SLC39A5: variants seen among roughly 807,000 people sequenced by gnomAD.
SLC39A5 encodes solute carrier family 39 member 5.
Under a neutral mutation model 46.9 loss-of-function variants are expected in SLC39A5, and 42 were observed. That is an observed-to-expected ratio of 0.90 (90% confidence interval 0.70 to 1.16). The LOEUF (loss-of-function observed/expected upper bound fraction) is 1.16, where lower values mean the gene tolerates loss of function less well. Among genes scored for constraint, SLC39A5 ranks in the 50% most tolerant of loss-of-function variants. The probability of loss-of-function intolerance (pLI) is 0.00; values close to 1 mark genes in which losing one functional copy is unlikely to be tolerated. For missense variants in SLC39A5, 677 were observed against 686.8 expected (o/e 0.99, Z 0.16); for synonymous variants, 311 against 323.1 (o/e 0.96, Z 0.40).
intron 8 of SLC39A5, 66 bp from the exon 9 acceptor site, chr12:56,236,330 C>A: frequency 6.9e-7 from 1 of 1,454,548 alleles, no homozygotes; most frequent in Non-Finnish European, 9.7e-7. Flanking sequence ...CAGCTTGTGG[C>A]CTGGCTTCCC....
Position 56,235,192 on chromosome 12 carries a change from A to G in SLC39A5, c.670A>G (p.Ser224Gly). The G allele has an allele frequency of 6.4e-7, 1 of 1,560,262 alleles. No homozygotes were observed. Among genetic ancestry groups the G allele is most frequent in the East Asian group, 2.3e-5 (1 of 44,392 alleles). ...LQSALAVLLL[S>G]LPSPLSLLLL... ...GAGTGCCCTGGCAGTCCTGTTGCTC[A>G]GCCTCCCTTCTCCCCTATCCCTGCT... Residue 224 changes from serine (S) to glycine (G), a missense_variant, in exon 7 of 13, where the codon AGC (serine) becomes GGC (glycine). Physicochemically the swap from Ser to Gly is moderately conservative, Grantham distance 56 (BLOSUM62 0). Transcript: ENST00000454355.
chr12:56,232,316 C>A (rs888435855), intron 4 of SLC39A5, among the ~76,000 whole-genome samples: 1 of 151,814 alleles, frequency 6.6e-6, no homozygotes, highest in Non-Finnish European at 1.5e-5. Flanking sequence ...CAGGCACACA[C>A]CACCACGCCG....
chr12:56,235,626 G>C lies in SLC39A5; in HGVS notation c.871G>C (p.Val291Leu). The change falls in exon 8 of 13, where the codon GTG becomes CTG. Residue 291 changes from valine (V) to leucine (L), a missense_variant. Physicochemically the swap from Val to Leu is conservative, Grantham distance 32. Coordinates refer to ENST00000454355, the MANE Select transcript of SLC39A5 (RefSeq NM_173596.3). Reference sequence around the variant, plus strand: ...GAAGGACCTGGGCCCGGGGCTGTCAGTGCTCGGAGGCCTCTTCCTGCTCTT... The same window carrying C: ...GAAGGACCTGGGCCCGGGGCTGTCACTGCTCGGAGGCCTCTTCCTGCTCTT... ...PEKDLGPGLS[V>L]LGGLFLLFVL... 6.2e-7 allele frequency: 1 copy of C among 1,614,166 alleles called. No homozygotes were observed. The highest frequency in any genetic ancestry group is 1.3e-5 in the African/African-American group (1 of 75,074).
At position 56,237,212 on chromosome 12, in the gene SLC39A5, G is replaced by A. The variant is rs766313655; in HGVS notation, c.1351G>A (p.Val451Met). The A allele has an allele frequency of 2.5e-5, 40 of 1,613,692 alleles. No individual in the cohort carries two copies. The highest frequency in any genetic ancestry group is 1.6e-4 in the Middle Eastern group (1 of 6,084). The change falls in exon 12 of 13, where the codon GTG (valine) becomes ATG (methionine). Residue 451 changes from valine (V) to methionine (M), a missense_variant. Coordinates refer to ENST00000454355, the MANE Select transcript of SLC39A5 (RefSeq NM_173596.3). Reference protein sequence around the residue: ...SFRRLLLLSLVSGALGLGGAV... With the variant: ...SFRRLLLLSLMSGALGLGGAV... ...TCGGCGGCTGCTGCTGCTGAGCCTC[G>A]TGTCTGGAGCCCTGGGATTGGGGGG...
chr12:56,235,821 G>C (rs1468820165), intron 8 of SLC39A5, 121 bp downstream of exon 8: 7 of 1,326,122 alleles, frequency 5.3e-6, no homozygotes, highest in Non-Finnish European at 2.1e-6. Context: ...AAGGCGGGCA[G>C]ATCACAAGGT....
intron 12 of SLC39A5, 97 bp downstream of exon 12, chr12:56,237,437 G>C: frequency 6.5e-7 from 1 of 1,528,010 alleles, no homozygotes; most frequent in Non-Finnish European, 8.9e-7. Flanking sequence ...ATTAGCTCCT[G>C]GAAGGGCGTC....
intron 8 of SLC39A5, among the ~76,000 whole-genome samples, chr12:56,236,161 G>A (rs1374894339): frequency 6.6e-6 from 1 of 152,246 alleles, no homozygotes; most frequent in Non-Finnish European, 1.5e-5. Flanking sequence ...CAGGGAGTGG[G>A]TAGGGGCTCC....
rs148061940 is a variant in SLC39A5 at position 56,231,525 on chromosome 12, G to A, written c.251G>A (p.Arg84Gln). ...GGACAGCATGGGCCTCTGACTGGAC[G>A]GGCTGCATCCCCAGCTGCAGACAAT... ...RLGQHGPLTGRAASPAADNST... is the reference protein window; with the variant it reads ...RLGQHGPLTGQAASPAADNST... The change falls in exon 4 of 13, where the codon CGG becomes CAG. Residue 84 changes from arginine (R) to glutamine (Q), a missense_variant. Transcript: ENST00000454355. The A allele has an allele frequency of 1.6e-4, 256 of 1,582,698 alleles. No individual in the cohort carries two copies. The highest frequency in any genetic ancestry group is 2.0e-4 in the Non-Finnish European group (227 of 1,163,174).
intron 5 of SLC39A5, among the ~76,000 whole-genome samples, chr12:56,233,844 C>A (rs112475349): frequency 1.3e-5 from 2 of 152,300 alleles, no homozygotes; most frequent in Admixed American, 6.5e-5. Context: ...GATTAGATGG[C>A]ATTTCAGGGT....
intron 6 of SLC39A5, 83 bp from the exon 7 acceptor site, chr12:56,235,074 C>T: frequency 6.3e-7 from 1 of 1,583,828 alleles, no homozygotes. Flanking sequence ...TCCTGCCTCT[C>T]CTTGTAGTGT....
At chr12:56,231,726 TTC>T (rs1485748477) in intron 4 of SLC39A5, among the ~76,000 whole-genome samples, 165 bp downstream of exon 4, 1 of 152,240 alleles carries the variant, frequency 6.6e-6, no homozygotes, top group Non-Finnish European at 1.5e-5. Context: ...TTCTATTGCC[TTC>T]TCTCTCTTTT....
chr12:56,233,477 AT>A (rs977205965), intron 5 of SLC39A5, among the ~76,000 whole-genome samples: 9 of 151,916 alleles, frequency 5.9e-5, no homozygotes, highest in African/African-American at 2.2e-4. Context: ...AAATAAAAAA[AT>A]AAAAAAAAAA....
chr12:56,236,125 C>T (rs1565601758), intron 8 of SLC39A5, among the ~76,000 whole-genome samples: 1 of 152,210 alleles, frequency 6.6e-6, no homozygotes, highest in Non-Finnish European at 1.5e-5. Context: ...CTGACATTTG[C>T]CTGGTGTGCA....
Position 56,237,621 on chromosome 12 carries a change from C to T in SLC39A5, c.1513C>T (p.Pro505Ser), listed in dbSNP as rs1351830872. ...CCTGCTTCGTCCTCCGGAGCCCCTGCCTACGCCCCATGTGCTCCTGCAGGG... is the reference window on the plus strand; with the variant it reads ...CCTGCTTCGTCCTCCGGAGCCCCTGTCTACGCCCCATGTGCTCCTGCAGGG... ...PALLRPPEPL[P>S]TPHVLLQGLG... is the part of the protein sequence containing the mutation. Residue 505 changes from proline to serine, a missense_variant, in exon 13 of 13, where the codon CCT becomes TCT. Transcript: ENST00000454355. 9 of 1,613,478 alleles carry T rather than the reference C, an allele frequency of 5.6e-6. No individual in the cohort carries two copies. The highest frequency in any genetic ancestry group is 5.9e-6 in the Non-Finnish European group (7 of 1,179,884).
intron 3 of SLC39A5, 48 bp from the exon 4 acceptor site, chr12:56,231,156 T>G: frequency 8.5e-7 from 1 of 1,174,712 alleles, no homozygotes; most frequent in Non-Finnish European, 1.2e-6. Flanking sequence ...CCCATGGACC[T>G]GAGCTGGAGA....
In SLC39A5 at chr12:56,235,283, T is replaced by C. The variant is rs957976573; in HGVS notation, c.761T>C (p.Val254Ala). 1.3e-6 allele frequency: 2 copies of C among 1,552,808 alleles called. No homozygotes were observed. ...PLLGFLGALA[V>A]GTLCGDALLH... Reference sequence around the variant, plus strand: ...CTGGGCTTCCTGGGGGCCCTGGCGGTGGGCACTCTTTGTGGGGATGCACTG... The same window carrying C: ...CTGGGCTTCCTGGGGGCCCTGGCGGCGGGCACTCTTTGTGGGGATGCACTG... The change falls in exon 7 of 13, where the codon GTG (valine) becomes GCG (alanine). Residue 254 changes from valine to alanine, a missense_variant. Physicochemically the swap from Val to Ala is moderately conservative, Grantham distance 64. Transcript: ENST00000454355.
chr12:56,233,276 A>C (rs1400141053), intron 5 of SLC39A5, among the ~76,000 whole-genome samples: 1 of 108,736 alleles, frequency 9.2e-6, no homozygotes, highest in African/African-American at 4.0e-5. Flanking sequence ...AAAAAAAAAA[A>C]AAAAAAAAAA....
intron 8 of SLC39A5, 66 bp downstream of exon 8, chr12:56,235,766 C>T (rs745838367): frequency 1.6e-5 from 26 of 1,601,806 alleles, no homozygotes; most frequent in East Asian, 1.3e-4. Flanking sequence ...TGGGCCAGGC[C>T]GGGCGCGGTG....
intron 6 of SLC39A5, 51 bp from the exon 7 acceptor site, chr12:56,235,106 G>A (rs1870604956): frequency 6.4e-7 from 1 of 1,556,950 alleles, no homozygotes; most frequent in Admixed American, 1.8e-5. Context: ...CACCTTACGT[G>A]TGGGACCCTC....
Sources: allele counts gnomAD v4.1 joint callset (sites outside exome capture counted in the v4.1 genomes callset), GRCh38; gene constraint gnomAD v4.1.1; transcripts MANE v1.5; gene names NCBI Gene and HGNC (gene_info 2026-07-23, HGNC 2026-07-21).